The following ASPH variants were observed in gnomAD, a reference collection of about 807,000 sequenced individuals.
ASPH encodes aspartyl/asparaginyl beta-hydroxylase.
In ASPH, 100 loss-of-function variants were observed where a neutral mutation model predicts 118.4. That is an observed-to-expected ratio of 0.84 (90% CI 0.72 to 1.00). The LOEUF is 1.00. ASPH is among the 50% of genes least tolerant of loss of function. The probability of loss-of-function intolerance (pLI) is 0.00; values close to 1 mark genes in which losing one functional copy is unlikely to be tolerated. For synonymous variants in ASPH, 315 were observed against 325.6 expected (o/e 0.97, Z 0.35); for missense variants, 920 against 919.5 (o/e 1.00, Z -0.01).
At chr8:61,606,016 C>T (rs188398600) in intron 14 of ASPH, among the ~76,000 whole-genome samples, 25 of 152,248 alleles carry the variant, frequency 1.6e-4, no homozygotes, top group South Asian at 1.5e-3. Context: ...CCTCAGAAGG[C>T]GCAGAGGTAT....
Position 61,690,528 on chromosome 8 carries a change from C to G in ASPH, c.104-6340G>C, listed in dbSNP as rs539840068. ...TTTTTTTTTTCAACTTCTCCCCAAC[C>G]TCATCTCCAAACATTCTCTTCTGGG... On this transcript the variant is annotated intron_variant, in intron 1 of 24. Coordinates refer to ENST00000379454, the MANE Select transcript of ASPH (RefSeq NM_004318.4). 1.3e-4 allele frequency among the ~76,000 whole-genome samples: 20 copies of G among 152,112 alleles called. No individual in the cohort carries two copies. The South Asian group carries it at 3.7e-3, about 28-fold the overall frequency.
At chr8:61,538,257 C>A (rs1820410706) in intron 21 of ASPH, among the ~76,000 whole-genome samples, 1 of 152,170 alleles carries the variant, frequency 6.6e-6, no homozygotes, top group Non-Finnish European at 1.5e-5. Flanking sequence ...ACCGTTAAAT[C>A]ATGTAATTAT....
At chr8:61,525,369 C>A (rs979915418) in intron 22 of ASPH, among the ~76,000 whole-genome samples, 6 of 149,590 alleles carry the variant, frequency 4.0e-5, no homozygotes, top group Admixed American at 1.3e-4. Context: ...CACACACACA[C>A]ATACACACAC....
At chr8:61,587,257 G>A (rs1839752785) in intron 14 of ASPH, among the ~76,000 whole-genome samples, 1 of 152,198 alleles carries the variant, frequency 6.6e-6, no homozygotes, top group African/African-American at 2.4e-5. Flanking sequence ...GCTTTAAACT[G>A]CATGCCATTA....
intron 3 of ASPH, chr8:61,661,868 T>C (rs2151288784): frequency 4.7e-6 from 2 of 427,042 alleles, no homozygotes; most frequent in South Asian, 6.6e-5. Flanking sequence ...TTTATGTCAA[T>C]TTCATCAGTC....
intron 22 of ASPH, among the ~76,000 whole-genome samples, chr8:61,522,411 C>T (rs1213027160): frequency 6.6e-6 from 1 of 151,906 alleles, no homozygotes; most frequent in Admixed American, 6.6e-5. Context: ...TTTCTTGGCT[C>T]CTAGGTGGCC....
At chr8:61,587,068 T>G (rs1292769910) in intron 14 of ASPH, among the ~76,000 whole-genome samples, 1 of 152,206 alleles carries the variant, frequency 6.6e-6, no homozygotes, top group East Asian at 1.9e-4. Flanking sequence ...TAATTCAACT[T>G]TCATCAAGTA....
intron 21 of ASPH, among the ~76,000 whole-genome samples, chr8:61,543,157 G>C (rs1287814525): frequency 1.3e-5 from 2 of 152,272 alleles, no homozygotes; most frequent in Non-Finnish European, 2.9e-5. Flanking sequence ...CAGATGTGTA[G>C]ATTAATGCTT....
intron 14 of ASPH, chr8:61,607,316 G>C (rs1345167610): frequency 1.4e-6 from 1 of 701,972 alleles, no homozygotes; most frequent in Admixed American, 2.0e-5. Flanking sequence ...AGACGCAAAT[G>C]AGTCCTCTGT....
At chr8:61,652,897 A>G (rs1417062478) in intron 4 of ASPH, among the ~76,000 whole-genome samples, 1 of 152,232 alleles carries the variant, frequency 6.6e-6, no homozygotes, top group Non-Finnish European at 1.5e-5. Flanking sequence ...AAATCAGCCA[A>G]AGTACCATTT....
chr8:61,594,657 A>T (rs2133147857), intron 14 of ASPH, among the ~76,000 whole-genome samples: 1 of 152,346 alleles, frequency 6.6e-6, no homozygotes, highest in South Asian at 2.1e-4. Flanking sequence ...TATAACTTTT[A>T]TTACAGTATA....
intron 15 of ASPH, chr8:61,579,617 C>A: frequency 6.6e-7 from 1 of 1,519,704 alleles, no homozygotes; most frequent in Non-Finnish European, 9.0e-7. Flanking sequence ...TGAAGAAGAT[C>A]GAGACATGTG....
At chr8:61,633,807 G>A in intron 12 of ASPH, 80 bp from the exon 13 acceptor site, 1 of 951,318 alleles carries the variant, frequency 1.1e-6, no homozygotes, top group Non-Finnish European at 1.6e-6. Context: ...TTTAAGTAAT[G>A]ATGATACTTT....
At chr8:61,639,224 ACT>A (rs1803909499) in intron 10 of ASPH, among the ~76,000 whole-genome samples, 1 of 151,476 alleles carries the variant, frequency 6.6e-6, no homozygotes, top group African/African-American at 2.4e-5. Flanking sequence ...ATGCAATACC[ACT>A]CTTTCTTAAG....
At chr8:61,598,317 A>T (rs1234778601) in intron 14 of ASPH, among the ~76,000 whole-genome samples, 1 of 152,202 alleles carries the variant, frequency 6.6e-6, no homozygotes, top group African/African-American at 2.4e-5. Flanking sequence ...AGAAAAAGAT[A>T]TGCAGGCAAA....
rs750283905 is a variant in ASPH at position 61,548,204 on chromosome 8, T to C, written c.1631A>G (p.Tyr544Cys). 3 of 1,612,792 alleles carry C rather than the reference T, an allele frequency of 1.9e-6. No homozygotes were observed. Among genetic ancestry groups the C allele is most frequent in the African/African-American group, 1.3e-5 (1 of 74,866 alleles). Residue 544 changes from tyrosine to cysteine, a missense_variant, in exon 21 of 25, where the codon TAT becomes TGT. Coordinates refer to ENST00000379454, the MANE Select transcript of ASPH (RefSeq NM_004318.4). Reference sequence around the variant, plus strand: ...CTTGTGCCCAAGCTCATACCACTTATATGCCTGAAGGAACAGAAAGAATGT... The same window carrying C: ...CTTGTGCCCAAGCTCATACCACTTACATGCCTGAAGGAACAGAAAGAATGT... The part of the protein sequence containing the change: ...AMQRVGNKEA[Y>C]KWYELGHKRG...
intron 14 of ASPH, among the ~76,000 whole-genome samples, chr8:61,597,770 C>A (rs564110982): frequency 2.0e-5 from 3 of 152,184 alleles, no homozygotes; most frequent in South Asian, 2.1e-4. Flanking sequence ...AGCTAAGATA[C>A]CAGATCCAGC....
intron 3 of ASPH, among the ~76,000 whole-genome samples, chr8:61,673,480 G>A (rs184170834): frequency 6.6e-6 from 1 of 152,324 alleles, no homozygotes; most frequent in Non-Finnish European, 1.5e-5. Context: ...TGACTCTGAG[G>A]AGACAACACT....
intron 21 of ASPH, among the ~76,000 whole-genome samples, chr8:61,526,963 C>A (rs1281587675): frequency 6.6e-6 from 1 of 152,150 alleles, no homozygotes; most frequent in East Asian, 1.9e-4. Context: ...AGGACAGAGA[C>A]AAAGCTGTAC....
Sources: gnomAD v4.1 joint callset for allele counts (sites outside exome capture counted in the v4.1 genomes callset) on GRCh38, gnomAD v4.1.1 for gene constraint, MANE v1.5 for transcripts, NCBI Gene and HGNC (gene_info 2026-07-23, HGNC 2026-07-21) for gene names.